MYO18B: variants seen among roughly 807,000 people sequenced by gnomAD.
MYO18B encodes myosin XVIIIB, also known as unconventional myosin-XVIIIb.
In MYO18B, 204 loss-of-function variants were observed where a neutral mutation model predicts 273.0. The observed-to-expected ratio is 0.75, with a 90% CI of 0.67 to 0.84. The LOEUF (loss-of-function observed/expected upper bound fraction) is 0.84, where lower values mean the gene tolerates loss of function less well. MYO18B is among the 40% of genes least tolerant of loss of function. The pLI is 0.00. For missense variants in MYO18B, 3,212 were observed against 3,287.6 expected (o/e 0.98, Z 0.56); for synonymous variants, 1,330 against 1,305.7 (o/e 1.02, Z -0.40).
intron 6 of MYO18B, among the ~76,000 whole-genome samples, chr22:25,771,577 A>G (rs2086722008): frequency 1.3e-5 from 2 of 152,050 alleles, no homozygotes; most frequent in South Asian, 4.1e-4. Context: ...ACAGCCTGCT[A>G]TCTTAGGAGT....
chr22:25,780,008 C>T (rs1908599912), intron 8 of MYO18B, 48 bp from the exon 9 acceptor site: 6 of 1,514,006 alleles, frequency 4.0e-6, no homozygotes, highest in Non-Finnish European at 5.3e-6. Context: ...GTGGCAGTGG[C>T]AGCACCTGGG....
chr22:25,757,270 A>C (rs1379286612), intron 1 of MYO18B, among the ~76,000 whole-genome samples: 1 of 151,998 alleles, frequency 6.6e-6, no homozygotes, highest in African/African-American at 2.4e-5. Context: ...TAGTTAAGTC[A>C]CTGAAGGGCA....
At chr22:25,970,095 A>G (rs957296674) in intron 39 of MYO18B, among the ~76,000 whole-genome samples, 1 of 151,976 alleles carries the variant, frequency 6.6e-6, no homozygotes, top group African/African-American at 2.4e-5. Flanking sequence ...CATCATCACC[A>G]CCATTTGCAT....
chr22:25,761,250 C>A, intron 2 of MYO18B, 119 bp downstream of exon 2: 1 of 1,125,824 alleles, frequency 8.9e-7, no homozygotes, highest in South Asian at 1.3e-5. Flanking sequence ...CTCCTAGTAG[C>A]ATGTGCAATC....
Position 25,835,320 on chromosome 22 carries a change from G to C in MYO18B, c.3085G>C (p.Ala1029Pro). The change falls in exon 17 of 44, where the codon GCC becomes CCC. Residue 1029 changes from alanine (A) to proline (P), a missense_variant. Ala to Pro is a conservative substitution (Grantham distance 27). Transcript: ENST00000335473. The stretch of plus-strand genomic sequence containing the variant: ...GGTCCGCTTACCAGCTGGAGGAGGT[G>C]CCCAGGATGCCAGAGGCCTTTTCTG... ...SQVRLPAGGGAQDARGLFWVL... is the reference protein window; with the variant it reads ...SQVRLPAGGGPQDARGLFWVL... 1 of 1,613,926 alleles carries C rather than the reference G, an allele frequency of 6.2e-7. No homozygotes were observed. Among genetic ancestry groups the C allele is most frequent in the South Asian group, 1.1e-5 (1 of 91,068 alleles).
At chr22:26,040,330 G>T in the MYO18B span, among the ~76,000 whole-genome samples, 1 of 152,172 alleles carries the variant, frequency 6.6e-6, no homozygotes, top group Admixed American at 6.5e-5. Flanking sequence ...GGGGTCCAGG[G>T]CCCAATTCAT....
intron 21 of MYO18B, among the ~76,000 whole-genome samples, chr22:25,855,467 T>C (rs991587212): frequency 1.3e-5 from 2 of 152,086 alleles, no homozygotes; most frequent in African/African-American, 2.4e-5. Context: ...GTATTTTTAG[T>C]AGAGACGGGG....
chr22:26,006,693 T>C (rs973549719), intron 42 of MYO18B, among the ~76,000 whole-genome samples: 15 of 152,318 alleles, frequency 9.8e-5, no homozygotes, highest in Admixed American at 8.5e-4. Context: ...CTGTGAGATT[T>C]TGGACAAGCT....
Position 25,763,378 on chromosome 22 carries a change from C to G in MYO18B, c.187C>G (p.Pro63Ala), listed in dbSNP as rs1568980885. 2 of 1,610,722 alleles carry G rather than the reference C, an allele frequency of 1.2e-6. No individual in the cohort carries two copies. Among genetic ancestry groups the G allele is most frequent in the East Asian group, 4.5e-5 (2 of 44,854 alleles). The change falls in exon 3 of 44, where the codon CCA (proline) becomes GCA (alanine). Residue 63 changes from proline to alanine, a missense_variant. By Grantham distance (27) the Pro-to-Ala change is conservative (BLOSUM62 -1). Coordinates refer to ENST00000335473, the MANE Select transcript of MYO18B (RefSeq NM_032608.7). ...RQRKQLAVASPEREIPEISIS... is the reference protein window; with the variant it reads ...RQRKQLAVASAEREIPEISIS... Reference sequence around the variant, plus strand: ...GAGGAAGCAGTTAGCTGTCGCCTCTCCAGAACGAGAGGTAAGTGGTTCCTA... The same window carrying G: ...GAGGAAGCAGTTAGCTGTCGCCTCTGCAGAACGAGAGGTAAGTGGTTCCTA...
At chr22:25,919,164 C>T (rs371993222) in intron 33 of MYO18B, among the ~76,000 whole-genome samples, 2 of 152,178 alleles carry the variant, frequency 1.3e-5, no homozygotes, top group Non-Finnish European at 2.9e-5. Flanking sequence ...TCTTCCTCCA[C>T]CTCCCCTAGC....
rs772557885 is a variant in MYO18B at position 25,898,470 on chromosome 22, C to T, written c.4823+9C>T. The T allele has an allele frequency of 3.7e-6, 6 of 1,612,218 alleles. No individual in the cohort carries two copies. Among genetic ancestry groups the T allele is most frequent in the Non-Finnish European group, 4.2e-6 (5 of 1,179,082 alleles). On this transcript the variant is annotated intron_variant, in intron 29 of 43. Coordinates refer to ENST00000335473, the MANE Select transcript of MYO18B (RefSeq NM_032608.7). The stretch of plus-strand genomic sequence containing the variant: ...GAGAAGAAGCAGAAGAAGTGAGTTG[C>T]ATCTCTCACCATCACCTGGGCTGCC...
At chr22:26,021,876 G>A (rs890310468) in intron 42 of MYO18B, among the ~76,000 whole-genome samples, 8 of 152,190 alleles carry the variant, frequency 5.3e-5, no homozygotes, top group Non-Finnish European at 1.0e-4. Flanking sequence ...AGCACCTGGC[G>A]CACAGTAGGT....
At chr22:25,870,466 T>A (rs993626325) in intron 22 of MYO18B, among the ~76,000 whole-genome samples, 1 of 152,240 alleles carries the variant, frequency 6.6e-6, no homozygotes, top group Non-Finnish European at 1.5e-5. Context: ...AGGATCTGAG[T>A]ATTTAAACAC....
At chr22:25,803,848 T>C (rs1383127109) in intron 12 of MYO18B, among the ~76,000 whole-genome samples, 1 of 152,130 alleles carries the variant, frequency 6.6e-6, no homozygotes, top group East Asian at 1.9e-4. Flanking sequence ...AAACCAGTCC[T>C]CTGGGTCTGT....
In MYO18B at chr22:25,874,345, T is replaced by C. The variant is rs1238355408; in HGVS notation, c.4011T>C (p.Ser1337=). ...AGAAGCAGCGAGAGAAGCTGGTATC[T>C]CAGAGCATCGTTCTCTTCCAGGCGG... ...RLEKQREKLV[S]QSIVLFQAAC... is the part of the protein sequence containing the mutation. The change falls in exon 23 of 44, where the codon TCT becomes TCC. Residue 1337 remains serine (S), a synonymous_variant. Transcript: ENST00000335473. 3 of 1,613,968 alleles carry C rather than the reference T, an allele frequency of 1.9e-6. No homozygotes were observed. The highest frequency in any genetic ancestry group is 2.5e-6 in the Non-Finnish European group (3 of 1,179,880).
At chr22:25,836,978 A>G (rs917480365) in intron 17 of MYO18B, among the ~76,000 whole-genome samples, 1 of 56,838 alleles carries the variant, frequency 1.8e-5, no homozygotes, top group African/African-American at 7.5e-5. Context: ...AATAATAATA[A>G]TAATAATAAT....
rs141683981 is a variant in MYO18B at position 25,889,442 on chromosome 22, C to T, written c.4315-1314C>T. Among the ~76,000 whole-genome samples, 867 of 152,168 alleles carry T rather than the reference C, an allele frequency of 5.7e-3. 6 individuals are homozygous for T. The highest frequency in any genetic ancestry group is 0.016 in the African/African-American group (645 of 41,490). On this transcript the variant is annotated intron_variant, in intron 25 of 43. Transcript: ENST00000335473. Reference sequence around the variant, plus strand: ...AATTTACAGCAGGAGGACATGTGACCGCACCCAATTCAATGCATTTTACAG... The same window carrying T: ...AATTTACAGCAGGAGGACATGTGACTGCACCCAATTCAATGCATTTTACAG...
At chr22:25,844,014 C>A in intron 18 of MYO18B, 120 bp downstream of exon 18, 1 of 864,418 alleles carries the variant, frequency 1.2e-6, no homozygotes, top group Non-Finnish European at 1.7e-6. Flanking sequence ...GAATCCCATC[C>A]CTCCATAATG....
intron 6 of MYO18B, among the ~76,000 whole-genome samples, chr22:25,772,103 C>T (rs369999644): frequency 3.9e-5 from 6 of 152,174 alleles, no homozygotes; most frequent in Admixed American, 6.5e-5. Context: ...AGGACCACAG[C>T]GAAGAGGGGG....
Sources: gnomAD v4.1 joint callset for allele counts (sites outside exome capture counted in the v4.1 genomes callset) on GRCh38, gnomAD v4.1.1 for gene constraint, MANE v1.5 for transcripts, NCBI Gene and HGNC (gene_info 2026-07-23, HGNC 2026-07-21) for gene names.